Variants in TRAM1 observed in about 807,000 individuals in gnomAD.
The protein encoded by TRAM1 is translocation associated membrane protein 1, also known as translocating chain-associated membrane protein 1.
In TRAM1, 17 loss-of-function variants were observed where a neutral mutation model predicts 48.7. The ratio of observed to expected loss-of-function variants is 0.35; its 90% confidence interval spans 0.24 to 0.52. The LOEUF is 0.52. TRAM1 is among the 20% of genes least tolerant of loss of function. TRAM1 has a pLI of 0.94. For synonymous variants in TRAM1, 182 were observed against 154.0 expected (o/e 1.18, Z -1.34); for missense variants, 351 against 441.5 (o/e 0.79, Z 1.84).
At chr8:70,583,370 C>T (rs1364167147) in intron 9 of TRAM1, 46 bp from the exon 10 acceptor site, 10 of 1,561,324 alleles carry the variant, frequency 6.4e-6, no homozygotes, top group Admixed American at 1.8e-5. Flanking sequence ...AAAAACAATG[C>T]CACTGAATAC....
At chr8:70,603,765 T>C (rs1304553604) in intron 1 of TRAM1, among the ~76,000 whole-genome samples, 1 of 152,150 alleles carries the variant, frequency 6.6e-6, no homozygotes, top group Non-Finnish European at 1.5e-5. Flanking sequence ...AAGATAAATT[T>C]AGCATCAAAT....
At chr8:70,595,038 G>T (rs199633475) in intron 5 of TRAM1, among the ~76,000 whole-genome samples, 5 of 146,054 alleles carry the variant, frequency 3.4e-5, no homozygotes, top group South Asian at 2.2e-4. Context: ...AATATCCTCT[G>T]TTTTTTTTTT....
chr8:70,583,198 T>C lies in TRAM1; in HGVS notation c.1017A>G (p.Thr339=), dbSNP rs745630057. 5 of 1,614,076 alleles carry C rather than the reference T, an allele frequency of 3.1e-6. No individual in the cohort carries two copies. The highest frequency in any genetic ancestry group is 4.2e-6 in the Non-Finnish European group (5 of 1,180,002). The change falls in exon 10 of 11, where the codon ACA becomes ACG. Residue 339 remains threonine, a synonymous_variant. Coordinates refer to ENST00000262213, the MANE Select transcript of TRAM1 (RefSeq NM_014294.6). ...FQAPAVKKKP[T]VTKGRSSKKG... ...TTTTAGAAGATCTGCCTTTAGTTAC[T>C]GTTGGTTTCTTCTTCACAGCTGGTG...
intron 10 of TRAM1, among the ~76,000 whole-genome samples, chr8:70,578,122 G>A (rs1267465660): frequency 6.6e-6 from 1 of 152,210 alleles, no homozygotes; most frequent in Non-Finnish European, 1.5e-5. Context: ...GAGCCCAGCG[G>A]ATGCAAGCAA....
intron 10 of TRAM1, among the ~76,000 whole-genome samples, chr8:70,580,035 G>C (rs1368787787): frequency 3.3e-5 from 5 of 152,090 alleles, no homozygotes; most frequent in Non-Finnish European, 5.9e-5. Context: ...GCTTAAAAAA[G>C]AAAATACCTG....
intron 6 of TRAM1, among the ~76,000 whole-genome samples, chr8:70,591,021 A>G (rs1817346798): frequency 6.6e-6 from 1 of 152,000 alleles, no homozygotes; most frequent in Non-Finnish European, 1.5e-5. Context: ...AAAAAAAAAG[A>G]GATGAGTAGA....
chr8:70,582,305 T>C (rs1352755638), intron 10 of TRAM1, among the ~76,000 whole-genome samples: 5 of 150,872 alleles, frequency 3.3e-5, no homozygotes, highest in African/African-American at 9.8e-5. Flanking sequence ...TTTTTTTTTT[T>C]CTAAAGAGGC....
intron 1 of TRAM1, among the ~76,000 whole-genome samples, chr8:70,600,742 A>G (rs189835072): frequency 2.0e-5 from 3 of 152,374 alleles, no homozygotes; most frequent in Admixed American, 6.5e-5. Context: ...ATACTGTAGA[A>G]TAAGTGCCAA....
chr8:70,580,860 A>C (rs1333841753), intron 10 of TRAM1, among the ~76,000 whole-genome samples: 3 of 152,254 alleles, frequency 2.0e-5, no homozygotes, highest in Non-Finnish European at 4.4e-5. Context: ...AGAATCTGAA[A>C]ATGGAATTAA....
chr8:70,606,041 T>C (rs1241743858), intron 1 of TRAM1, among the ~76,000 whole-genome samples: 3 of 152,246 alleles, frequency 2.0e-5, no homozygotes, highest in East Asian at 1.9e-4. Flanking sequence ...CCCTAAAATA[T>C]GTTTTTAAAG....
At chr8:70,579,709 G>C (rs1817033577) in intron 10 of TRAM1, among the ~76,000 whole-genome samples, 1 of 152,100 alleles carries the variant, frequency 6.6e-6, no homozygotes, top group Non-Finnish European at 1.5e-5. Flanking sequence ...ATGATGTACA[G>C]AAGAGAACTG....
intron 4 of TRAM1, among the ~76,000 whole-genome samples, chr8:70,596,859 A>T (rs576128188): frequency 6.6e-6 from 1 of 151,752 alleles, no homozygotes; most frequent in African/African-American, 2.4e-5. Context: ...AATAAAATCT[A>T]AAGTGATTTT....
At chr8:70,575,102 A>G (rs914589249) in intron 10 of TRAM1, 97 bp from the exon 11 acceptor site, 6 of 872,144 alleles carry the variant, frequency 6.9e-6, no homozygotes, top group Non-Finnish European at 1.0e-5. Context: ...AAAATGTAAA[A>G]TCCAATTCAC....
At chr8:70,593,608 A>C (rs1337252542) in intron 6 of TRAM1, among the ~76,000 whole-genome samples, 3 of 151,908 alleles carry the variant, frequency 2.0e-5, no homozygotes, top group East Asian at 1.9e-4. Context: ...AAAAAAAAAA[A>C]AAAACTCCCA....
chr8:70,592,451 C>T (rs1817386239), intron 6 of TRAM1, among the ~76,000 whole-genome samples: 1 of 152,170 alleles, frequency 6.6e-6, no homozygotes, highest in African/African-American at 2.4e-5. Context: ...ATGTTAATTA[C>T]TTGAAACAGT....
intron 6 of TRAM1, among the ~76,000 whole-genome samples, chr8:70,593,585 T>G (rs1817415117): frequency 7.2e-6 from 1 of 139,364 alleles, no homozygotes; most frequent in African/African-American, 2.7e-5. Context: ...TAGGATTTCA[T>G]ATATGAGAAT....
At chr8:70,590,743 TC>T (rs1171918449) in intron 6 of TRAM1, among the ~76,000 whole-genome samples, 6 of 152,218 alleles carry the variant, frequency 3.9e-5, no homozygotes, top group African/African-American at 1.4e-4. Context: ...TTCACAACCA[TC>T]AAATGCCTAT....
intron 10 of TRAM1, 112 bp from the exon 11 acceptor site, chr8:70,575,117 G>A: frequency 1.3e-6 from 1 of 746,962 alleles, no homozygotes; most frequent in South Asian, 2.1e-5. Context: ...ATTCACTCAG[G>A]TGAAATTTAC....
chr8:70,588,212 G>A (rs747290146), intron 6 of TRAM1, among the ~76,000 whole-genome samples: 3 of 151,930 alleles, frequency 2.0e-5, no homozygotes, highest in Non-Finnish European at 2.9e-5. Context: ...GCAAGACTCT[G>A]TCTTTTAAAA....
Sources: gnomAD v4.1 joint callset for allele counts (sites outside exome capture counted in the v4.1 genomes callset) on GRCh38, gnomAD v4.1.1 for gene constraint, MANE v1.5 for transcripts, NCBI Gene and HGNC (gene_info 2026-07-23, HGNC 2026-07-21) for gene names.